ZNF728: variants seen among roughly 807,000 people sequenced by gnomAD.
ZNF728 encodes zinc finger protein 728.
In ZNF728, 12 loss-of-function variants were observed where a neutral mutation model predicts 12.5. The ratio of observed to expected loss-of-function variants is 0.96; its 90% CI spans 0.61 to 1.55. ZNF728 has a LOEUF of 1.55. Ranked by LOEUF, ZNF728 falls within the 40% of genes most tolerant of loss-of-function variation. The pLI is 0.00. For missense variants in ZNF728, 692 were observed against 719.2 expected, an observed-to-expected ratio of 0.96 and a Z score of 0.43; for synonymous variants, 205 against 240.7, an observed-to-expected ratio of 0.85 and a Z score of 1.37.
chr19:22,992,053 G>A (rs895244495), intron 1 of ZNF728, among the ~76,000 whole-genome samples: 9 of 151,976 alleles, frequency 5.9e-5, no homozygotes, highest in East Asian at 1.9e-4. Context: ...TAACAATGAC[G>A]ACTCTTCTAA....
intron 3 of ZNF728, among the ~76,000 whole-genome samples, chr19:22,981,704 G>C (rs548066095): frequency 1.6e-3 from 237 of 152,228 alleles, no homozygotes; most frequent in African/African-American, 5.3e-3. Context: ...TTCATCCCTG[G>C]GATGCAAGGC....
chr19:22,990,112 T>C (rs2145345733), intron 1 of ZNF728, among the ~76,000 whole-genome samples: 1 of 152,330 alleles, frequency 6.6e-6, no homozygotes. Flanking sequence ...AGACTTTGAC[T>C]ATTGTAAGAA....
chr19:22,984,573 AAAATAC>A (rs1204232749), intron 3 of ZNF728, among the ~76,000 whole-genome samples: 4 of 86,608 alleles, frequency 4.6e-5, no homozygotes, highest in Non-Finnish European at 9.2e-5. Flanking sequence ...AAAAAAAAAA[AAAATAC>A]ACACACACAC....
chr19:22,978,145 T>TA (rs1339017695), intron 3 of ZNF728, among the ~76,000 whole-genome samples: 2 of 151,886 alleles, frequency 1.3e-5, no homozygotes, highest in African/African-American at 2.4e-5. Context: ...AACAAAAACA[T>TA]ATTTATAATC....
chr19:22,990,977 G>A (rs1304852173), intron 1 of ZNF728, among the ~76,000 whole-genome samples: 1 of 152,138 alleles, frequency 6.6e-6, no homozygotes, highest in Non-Finnish European at 1.5e-5. Context: ...TTTTAAACAA[G>A]TGCGCTGTCA....
chr19:23,003,006 A>G lies in ZNF728; in HGVS notation c.3+22T>C, dbSNP rs1157550801. The stretch of plus-strand genomic sequence containing the variant: ...AACCAGCGGCTGCCACTCTCTCGGG[A>G]TGTCGGACCCGGCTGACTCACCATT... On this transcript the variant is annotated intron_variant, in intron 1 of 3. Coordinates refer to ENST00000594710, the MANE Select transcript of ZNF728 (RefSeq NM_001267716.2). The G allele has an allele frequency of 1.3e-5, 21 of 1,586,550 alleles. No homozygotes were observed. The East Asian group carries it at 1.8e-4, about 14-fold the overall frequency.
At chr19:22,978,231 T>C (rs1222503802) in intron 3 of ZNF728, among the ~76,000 whole-genome samples, 1 of 150,790 alleles carries the variant, frequency 6.6e-6, no homozygotes. Flanking sequence ...CATAGTCTTA[T>C]GAGATAACCA....
chr19:22,997,257 A>G (rs1969059762), intron 1 of ZNF728, among the ~76,000 whole-genome samples: 1 of 152,204 alleles, frequency 6.6e-6, no homozygotes. Context: ...AATCAGAAAT[A>G]AAACAATTCT....
rs1968777082 is a variant in ZNF728, at chr19:22,974,936, C to T, written c.*532G>A. On this transcript the variant is annotated 3_prime_UTR_variant, in exon 4 of 4. Transcript: ENST00000594710. ...GTAAATGCTTTCCTTTGCAATTAGG[C>T]ATGAGCATTGGTTAAATGTTTTGCC... Among the ~76,000 whole-genome samples the T allele has an allele frequency of 6.6e-6, 1 of 152,188 alleles. No individual in the cohort carries two copies. The highest frequency in any genetic ancestry group is 1.5e-5 in the Non-Finnish European group (1 of 68,036).
Position 22,976,086 on chromosome 19 carries a change from A to G in ZNF728, c.1251T>C (p.Ile417=). ...ATTTGTAGGGTTTCTCTCCAGTATG[A>G]ATTATCTTATGTTTAGTAAGTGTTG... ...WSSTLTKHKI[I]HTGEKPYKCE... Residue 417 remains isoleucine (I), a synonymous_variant, in exon 4 of 4, where the codon ATT becomes ATC. Transcript: ENST00000594710. 1 of 1,612,814 alleles carries G rather than the reference A, an allele frequency of 6.2e-7. No individual in the cohort carries two copies. Among genetic ancestry groups the G allele is most frequent in the South Asian group, 1.1e-5 (1 of 91,062 alleles).
Position 22,976,516 on chromosome 19 carries a change from T to C in ZNF728, c.821A>G (p.His274Arg). ...TTTCTCTCCAGCATGACTTCTCTTA[T>C]GTTCAATAAGGCTTGAGGACCGGGT... is the stretch of plus-strand genomic sequence containing the variant. ...AFTRSSSLIEHKRSHAGEKPY... is the reference protein window; with the variant it reads ...AFTRSSSLIERKRSHAGEKPY... Residue 274 changes from histidine (H) to arginine (R), a missense_variant, in exon 4 of 4, where the codon CAT (histidine) becomes CGT (arginine). By Grantham distance (29) the His-to-Arg change is conservative. Around this residue, in one of 3 missense-constraint regions of ZNF728, gnomAD observed 440 missense variants for 459.6 expected, o/e 0.96. Transcript: ENST00000594710. The C allele has an allele frequency of 1.9e-6, 3 of 1,613,084 alleles. No homozygotes were observed. The highest frequency in any genetic ancestry group is 2.5e-6 in the Non-Finnish European group (3 of 1,179,968).
At chr19:22,998,100 T>C (rs758552702) in intron 1 of ZNF728, among the ~76,000 whole-genome samples, 26 of 152,284 alleles carry the variant, frequency 1.7e-4, no homozygotes, top group Middle Eastern at 3.4e-3. Flanking sequence ...CAATTGGGTA[T>C]ATACCTAAAA....
chr19:22,993,206 C>A (rs538952520), intron 1 of ZNF728, among the ~76,000 whole-genome samples: 1 of 152,352 alleles, frequency 6.6e-6, no homozygotes, highest in East Asian at 1.9e-4. Flanking sequence ...AAAAGCCACA[C>A]TCTCAAAAGA....
chr19:23,000,975 C>G (rs1198521066), intron 1 of ZNF728, among the ~76,000 whole-genome samples: 3 of 150,892 alleles, frequency 2.0e-5, no homozygotes, highest in African/African-American at 7.3e-5. Flanking sequence ...TGTGTCAAGT[C>G]AGGCCATCCA....
rs1032205086 is a variant in ZNF728 at position 22,994,441 on chromosome 19, A to G, written c.4-5990T>C. On this transcript the variant is annotated intron_variant, in intron 1 of 3. Coordinates refer to ENST00000594710, the MANE Select transcript of ZNF728 (RefSeq NM_001267716.2). The stretch of plus-strand genomic sequence containing the variant: ...CCCAGAGGAACTGCACAGTAACAGA[A>G]CAGAAAGAAAACTGTTTTATTACAC... 7.2e-5 allele frequency among the ~76,000 whole-genome samples: 11 copies of G among 152,234 alleles called. No homozygotes were observed. The East Asian group carries it at 1.5e-3, about 21-fold the overall frequency.
Position 23,003,103 on chromosome 19 carries a change from G to A in ZNF728, c.-73C>T. On this transcript the variant is annotated 5_prime_UTR_variant, in exon 1 of 4. Coordinates refer to ENST00000594710, the MANE Select transcript of ZNF728 (RefSeq NM_001267716.2). Reference sequence around the variant, plus strand: ...ACCTGCAGGTCACAGGGCCATAGAAGCTGGGCCTTTAGGAGCGGACGACAC... The same window carrying A: ...ACCTGCAGGTCACAGGGCCATAGAAACTGGGCCTTTAGGAGCGGACGACAC... 2.6e-6 allele frequency: 4 copies of A among 1,515,756 alleles called. No individual in the cohort carries two copies. Among genetic ancestry groups the A allele is most frequent in the Non-Finnish European group, 3.5e-6 (4 of 1,129,774 alleles). 93.9% of individuals were successfully genotyped at this position (1,515,756 alleles called of 1,614,324 possible). A position where few individuals can be genotyped will look rare whatever the true frequency, so the allele number is the denominator to read the frequency against.
Position 23,003,167 on chromosome 19 carries a change from G to A in ZNF728, c.-137C>T, listed in dbSNP as rs1442523909. On this transcript the variant is annotated 5_prime_UTR_variant, in exon 1 of 4. Transcript: ENST00000594710. The stretch of plus-strand genomic sequence containing the variant: ...CGACACCTTGACCTCCGCGTGCAGC[G>A]AGAGCCAACGGTCCTACCACATCCC... 3 of 1,043,736 alleles carry A rather than the reference G, an allele frequency of 2.9e-6. No homozygotes were observed. The highest frequency in any genetic ancestry group is 1.7e-5 in the African/African-American group (1 of 60,040). 64.7% of individuals were successfully genotyped at this position (1,043,736 alleles called of 1,614,324 possible).
chr19:22,991,461 T>A (rs563404707), intron 1 of ZNF728, among the ~76,000 whole-genome samples: 1 of 152,348 alleles, frequency 6.6e-6, no homozygotes, highest in African/African-American at 2.4e-5. Flanking sequence ...GGAAAGAATT[T>A]AATGCAATTT....
intron 1 of ZNF728, among the ~76,000 whole-genome samples, chr19:23,002,229 C>T (rs904558621): frequency 1.3e-5 from 2 of 152,206 alleles, no homozygotes; most frequent in African/African-American, 4.8e-5. Context: ...GCAGGAGAAT[C>T]GCTTGAACCT....
Sources: gnomAD v4.1 joint callset for allele counts (sites outside exome capture counted in the v4.1 genomes callset) on GRCh38, gnomAD v4.1.1 for gene constraint, gnomAD v4.1.1 regional missense constraint, MANE v1.5 for transcripts, NCBI Gene and HGNC (gene_info 2026-07-23, HGNC 2026-07-21) for gene names.